KRT8: variants seen among roughly 807,000 people sequenced by gnomAD.
KRT8 encodes the protein keratin, type II cytoskeletal 8.
A neutral mutation model predicts 43.0 loss-of-function variants in KRT8; 24 were observed. The observed-to-expected ratio is 0.56, with a 90% CI of 0.40 to 0.78. KRT8 has a LOEUF of 0.78. Ranked by LOEUF, KRT8 falls within the 30% of genes least tolerant of loss-of-function variation. The pLI is 0.00. For missense variants in KRT8, 492 were observed against 638.4 expected (o/e 0.77, Z 2.47); for synonymous variants, 214 against 261.2 (o/e 0.82, Z 1.74).
intron 2 of KRT8, among the ~76,000 whole-genome samples, chr12:52,935,987 C>T (rs1455190283): frequency 6.6e-6 from 1 of 152,168 alleles, no homozygotes; most frequent in Non-Finnish European, 1.5e-5. Context: ...GGCGAGGTGG[C>T]TAATGCCTAT....
At chr12:52,936,035 C>T (rs891693450) in intron 2 of KRT8, among the ~76,000 whole-genome samples, 5 of 151,980 alleles carry the variant, frequency 3.3e-5, no homozygotes, top group Admixed American at 1.3e-4. Context: ...AGGTGGATCA[C>T]GAGGTCAGGA....
intron 2 of KRT8, among the ~76,000 whole-genome samples, chr12:52,919,816 T>C (rs1941847981): frequency 6.6e-6 from 1 of 151,996 alleles, no homozygotes; most frequent in South Asian, 2.1e-4. Context: ...GCCCGGATAA[T>C]TTTAGTATTT....
At chr12:52,941,829 C>T (rs950724631) in intron 2 of KRT8, among the ~76,000 whole-genome samples, 1 of 152,062 alleles carries the variant, frequency 6.6e-6, no homozygotes, top group Non-Finnish European at 1.5e-5. Context: ...ATTCATTTGA[C>T]CTCCGTGAAG....
chr12:52,904,309 T>C (rs1209870574), intron 1 of KRT8, among the ~76,000 whole-genome samples: 1 of 152,108 alleles, frequency 6.6e-6, no homozygotes, highest in Non-Finnish European at 1.5e-5. Context: ...CGCTATTATT[T>C]TTTATAATTT....
intron 2 of KRT8, chr12:52,926,336 T>TGC: frequency 2.6e-6 from 1 of 385,522 alleles, no homozygotes; most frequent in Non-Finnish European, 4.9e-6. Context: ...CTAGCTGCCC[T>TGC]CCCCACCCCA....
chr12:52,904,890 G>C, exon 1 of KRT8: 1 of 1,612,870 alleles, frequency 6.2e-7, no homozygotes. Flanking sequence ...GCTGATGCGG[G>C]AACCGGGCCC....
At chr12:52,940,394 C>CAG (rs1565733791) in intron 2 of KRT8, among the ~76,000 whole-genome samples, 3 of 143,664 alleles carry the variant, frequency 2.1e-5, no homozygotes, top group African/African-American at 7.8e-5. Flanking sequence ...GATCATGCCA[C>CAG]TGCACTCCAG....
chr12:52,926,939 A>T (rs1344004238), intron 2 of KRT8, among the ~76,000 whole-genome samples: 1 of 58,028 alleles, frequency 1.7e-5, no homozygotes, highest in Non-Finnish European at 4.5e-5. Context: ...TGATTCACTG[A>T]ATGAATGAAT....
intron 2 of KRT8, among the ~76,000 whole-genome samples, chr12:52,938,186 A>ATATAAGGTCTTGCT (rs1942210588): frequency 1.6e-5 from 1 of 61,976 alleles, no homozygotes; most frequent in African/African-American, 7.3e-5. Context: ...TTTTTTTTTT[A>ATATAAGGTCTTGCT]TATATAAGGT....
At chr12:52,909,039 T>G (rs1941579515), upstream of KRT8, among the ~76,000 whole-genome samples, 1 of 151,998 alleles carries the variant, frequency 6.6e-6, no homozygotes, top group Non-Finnish European at 1.5e-5. Context: ...AATAAACAAA[T>G]TTGATGATGG....
At chr12:52,920,783 T>C (rs1306004219) in intron 2 of KRT8, among the ~76,000 whole-genome samples, 1 of 152,178 alleles carries the variant, frequency 6.6e-6, no homozygotes, top group Non-Finnish European at 1.5e-5. Flanking sequence ...GGCTCACACC[T>C]GTAATCCCAG....
intron 2 of KRT8, chr12:52,901,611 G>T: frequency 1.7e-6 from 1 of 587,052 alleles, no homozygotes; most frequent in African/African-American, 1.9e-5. Flanking sequence ...GGTTTACCAT[G>T]TCAACATTGA....
chr12:52,908,316 C>G (rs961543245), upstream of KRT8, among the ~76,000 whole-genome samples: 2 of 152,142 alleles, frequency 1.3e-5, no homozygotes, highest in African/African-American at 4.8e-5. Flanking sequence ...AGCTCCGCCT[C>G]CCGGGATCTG....
At chr12:52,921,920 C>A (rs1941893204) in intron 2 of KRT8, among the ~76,000 whole-genome samples, 1 of 151,974 alleles carries the variant, frequency 6.6e-6, no homozygotes, top group Admixed American at 6.6e-5. Context: ...AATCCCAGCA[C>A]TTTGGAAGGC....
chr12:52,931,695 T>C (rs1293876191), intron 2 of KRT8, among the ~76,000 whole-genome samples: 1 of 150,726 alleles, frequency 6.6e-6, no homozygotes. Flanking sequence ...GGAGTTTCGC[T>C]CTTGTTGCCC....
At chr12:52,913,052 G>A (rs987381448) in intron 2 of KRT8, among the ~76,000 whole-genome samples, 1 of 152,212 alleles carries the variant, frequency 6.6e-6, no homozygotes, top group Non-Finnish European at 1.5e-5. Context: ...TTGGGTTGAG[G>A]CTTGGGATCA....
chr12:52,900,607 AG>A lies in KRT8; in HGVS notation c.670del (p.Leu224SerfsTer87), dbSNP rs759578030. 16 of 1,611,260 alleles carry A rather than the reference AG, an allele frequency of 9.9e-6. No individual in the cohort carries two copies. Among genetic ancestry groups the A allele is most frequent in the Non-Finnish European group, 2.5e-6 (3 of 1,178,220 alleles). On this transcript the variant is annotated frameshift_variant, in exon 4 of 8. Transcript: ENST00000692008. LOFTEE classifies it high-confidence loss of function. ...ACATACCTCTTCATATAGCTGCCTG[AG>A]GAAGTTGATCTCGTCGGTCAGCCCT...
chr12:52,927,532 G>A (rs922449705), intron 2 of KRT8, among the ~76,000 whole-genome samples: 5 of 152,212 alleles, frequency 3.3e-5, no homozygotes, highest in African/African-American at 1.2e-4. Flanking sequence ...TCAGGGCTGG[G>A]AGCAAAGGTC....
chr12:52,913,872 G>GT (rs960435757), intron 2 of KRT8, among the ~76,000 whole-genome samples: 1 of 152,178 alleles, frequency 6.6e-6, no homozygotes, highest in Non-Finnish European at 1.5e-5. Context: ...AGGTTTGTTT[G>GT]TTTTTTCTTT....
Sources: allele counts gnomAD v4.1 joint callset (sites outside exome capture counted in the v4.1 genomes callset), GRCh38; gene constraint gnomAD v4.1.1; transcripts MANE v1.5; gene names NCBI Gene and HGNC (gene_info 2026-07-23, HGNC 2026-07-21).